The following WWOX variants were observed in gnomAD, a reference collection of about 807,000 sequenced individuals.
WWOX encodes the protein WW domain containing oxidoreductase.
In WWOX, 69 loss-of-function variants were observed where a neutral mutation model predicts 46.2. The observed-to-expected ratio is 1.49, with a 90% CI of 1.23 to 1.82. The LOEUF (loss-of-function observed/expected upper bound fraction) is 1.82. Ranked by LOEUF, WWOX falls within the 40% of genes most tolerant of loss-of-function variation. WWOX has a pLI of 0.00. For synonymous variants in WWOX, 359 were observed against 202.6 expected, an observed-to-expected ratio of 1.77 and a Z score of -6.56; for missense variants, 919 against 542.6, an observed-to-expected ratio of 1.69 and a Z score of -6.89.
intron 5 of WWOX, among the ~76,000 whole-genome samples, chr16:78,310,378 T>G (rs1025801159): frequency 6.6e-6 from 1 of 152,232 alleles, no homozygotes; most frequent in African/African-American, 2.4e-5. Flanking sequence ...GTTTGTTGAC[T>G]GAATGAATTA....
At chr16:79,160,968 CGTTTCCTGGCACCTTGTTTG>C (rs1341474683) in intron 8 of WWOX, among the ~76,000 whole-genome samples, 2 of 152,044 alleles carry the variant, frequency 1.3e-5, no homozygotes, top group Non-Finnish European at 2.9e-5. Flanking sequence ...TAATGTAGCA[CGTTTCCTGGCACCTTGTTTG>C]GTTCAATAAT....
chr16:78,365,304 G>A (rs949815740), intron 5 of WWOX, among the ~76,000 whole-genome samples: 2 of 152,138 alleles, frequency 1.3e-5, no homozygotes, highest in Admixed American at 6.5e-5. Flanking sequence ...AGCTAATGCC[G>A]TGAGCCAGCT....
chr16:78,889,043 C>T (rs1485475509), intron 8 of WWOX, among the ~76,000 whole-genome samples: 2 of 152,074 alleles, frequency 1.3e-5, no homozygotes, highest in East Asian at 1.9e-4. Flanking sequence ...TCCCGGCTGA[C>T]TTCTTCCCTT....
At chr16:78,744,250 G>C (rs2049295408) in intron 8 of WWOX, among the ~76,000 whole-genome samples, 1 of 152,086 alleles carries the variant, frequency 6.6e-6, no homozygotes, top group Non-Finnish European at 1.5e-5. Context: ...GATATAGTAA[G>C]CTGAAGGCAC....
intron 8 of WWOX, among the ~76,000 whole-genome samples, chr16:78,728,673 C>G (rs949012352): frequency 6.6e-6 from 1 of 152,214 alleles, no homozygotes; most frequent in Admixed American, 6.5e-5. Context: ...CTTGACTGCA[C>G]TTTGACAACC....
intron 4 of WWOX, among the ~76,000 whole-genome samples, chr16:78,163,637 G>A (rs937960094): frequency 1.3e-5 from 2 of 152,188 alleles, no homozygotes; most frequent in African/African-American, 4.8e-5. Flanking sequence ...AGATATGGGT[G>A]TGTATGCACG....
intron 8 of WWOX, among the ~76,000 whole-genome samples, chr16:78,985,556 G>A (rs1250669660): frequency 2.0e-5 from 3 of 152,220 alleles, no homozygotes; most frequent in African/African-American, 7.2e-5. Context: ...ATCACTTGAA[G>A]TCAGGAGTTT....
chr16:78,529,430 C>G (rs1356942754), intron 8 of WWOX, among the ~76,000 whole-genome samples: 2 of 151,850 alleles, frequency 1.3e-5, no homozygotes, highest in East Asian at 3.9e-4. Flanking sequence ...CTGTCGGGTC[C>G]CGTGGGCTCT....
chr16:78,735,583 A>C (rs55753721), intron 8 of WWOX, among the ~76,000 whole-genome samples: 1 of 152,210 alleles, frequency 6.6e-6, no homozygotes, highest in Non-Finnish European at 1.5e-5. Flanking sequence ...GCACAAGTCA[A>C]CTTTTTGTGT....
chr16:78,401,623 T>C (rs1325490826), intron 6 of WWOX, among the ~76,000 whole-genome samples: 1 of 152,214 alleles, frequency 6.6e-6, no homozygotes, highest in Non-Finnish European at 1.5e-5. Context: ...TTAACGCATT[T>C]TGAGAATGTC....
chr16:78,562,379 C>T (rs2044460701), intron 8 of WWOX, among the ~76,000 whole-genome samples: 1 of 152,184 alleles, frequency 6.6e-6, no homozygotes. Context: ...CTAGTGTTTT[C>T]GTTGCTTACA....
intron 8 of WWOX, among the ~76,000 whole-genome samples, chr16:78,526,729 C>G (rs111925037): frequency 1.3e-5 from 2 of 152,170 alleles, no homozygotes; most frequent in Non-Finnish European, 2.9e-5. Flanking sequence ...ATCTCCAAGT[C>G]CATGCCCAGG....
intron 8 of WWOX, among the ~76,000 whole-genome samples, chr16:79,150,044 C>A (rs149678501): frequency 2.0e-5 from 3 of 152,194 alleles, no homozygotes; most frequent in African/African-American, 7.2e-5. Context: ...TGGTCAAATA[C>A]GTTCTTCTCT....
intron 5 of WWOX, among the ~76,000 whole-genome samples, chr16:78,179,319 T>C (rs1021138509): frequency 2.6e-5 from 4 of 152,166 alleles, no homozygotes; most frequent in African/African-American, 9.7e-5. Context: ...TGGAAAGAGT[T>C]ATGGATTAAC....
intron 8 of WWOX, among the ~76,000 whole-genome samples, chr16:79,039,364 T>A (rs2047928244): frequency 6.6e-6 from 1 of 152,020 alleles, no homozygotes; most frequent in African/African-American, 2.4e-5. Flanking sequence ...GAGGACTAAG[T>A]GGGACCAGGC....
intron 3 of WWOX, among the ~76,000 whole-genome samples, chr16:78,110,108 G>A (rs1056958685): frequency 6.6e-6 from 1 of 150,948 alleles, no homozygotes; most frequent in Non-Finnish European, 1.5e-5. Flanking sequence ...TTGGGAGGTC[G>A]AAGTGGGTGG....
chr16:78,598,047 A>G (rs2045532312), intron 8 of WWOX, among the ~76,000 whole-genome samples: 1 of 152,116 alleles, frequency 6.6e-6, no homozygotes, highest in South Asian at 2.1e-4. Flanking sequence ...AGCTCCACTA[A>G]TCTCCAGACT....
At chr16:78,974,301 G>C (rs192190366) in intron 8 of WWOX, among the ~76,000 whole-genome samples, 427 of 152,260 alleles carry the variant, frequency 2.8e-3, no homozygotes, top group East Asian at 0.011. Context: ...ATGAATAACC[G>C]CCTTCCAGTA....
At chr16:78,752,991 A>G (rs2049523990) in intron 8 of WWOX, among the ~76,000 whole-genome samples, 1 of 152,116 alleles carries the variant, frequency 6.6e-6, no homozygotes, top group African/African-American at 2.4e-5. Flanking sequence ...GGATAGAGGC[A>G]GTGATTTCAG....
Sources: allele counts gnomAD v4.1 joint callset (sites outside exome capture counted in the v4.1 genomes callset), GRCh38; gene constraint gnomAD v4.1.1; transcripts MANE v1.5; gene names NCBI Gene and HGNC (gene_info 2026-07-23, HGNC 2026-07-21).